FAM174B: variants seen among roughly 807,000 people sequenced by gnomAD.
The protein encoded by FAM174B is membrane protein FAM174B.
A neutral mutation model predicts 10.9 loss-of-function variants in FAM174B; 12 were observed. The observed-to-expected ratio is 1.10, with a 90% confidence interval of 0.71 to 1.79. The LOEUF is 1.79. FAM174B is among the 40% of genes most tolerant of loss of function. The probability of loss-of-function intolerance (pLI) is 0.00; values close to 1 mark genes in which losing one functional copy is unlikely to be tolerated. For synonymous variants in FAM174B, 132 were observed against 115.8 expected (o/e 1.14, Z -0.90); for missense variants, 266 against 233.3 (o/e 1.14, Z -0.91).
chr15:92,645,113 C>T (rs970726119), intron 1 of FAM174B, among the ~76,000 whole-genome samples: 8 of 152,218 alleles, frequency 5.3e-5, no homozygotes, highest in African/African-American at 1.7e-4. Context: ...AGTAACTCAG[C>T]TCAAAATCAT....
intron 2 of FAM174B, among the ~76,000 whole-genome samples, chr15:92,625,296 G>A (rs914035664): frequency 6.6e-6 from 1 of 152,120 alleles, no homozygotes; most frequent in African/African-American, 2.4e-5. Context: ...GTCACAAGAT[G>A]TTACCAGAGA....
chr15:92,640,517 A>G (rs754518730), intron 1 of FAM174B, among the ~76,000 whole-genome samples: 1 of 133,740 alleles, frequency 7.5e-6, no homozygotes, highest in Non-Finnish European at 1.5e-5. Context: ...GTGCCACTGC[A>G]CTACAGCCTG....
At chr15:92,651,298 A>C (rs2050964819) in intron 1 of FAM174B, among the ~76,000 whole-genome samples, 1 of 152,176 alleles carries the variant, frequency 6.6e-6, no homozygotes, top group Non-Finnish European at 1.5e-5. Flanking sequence ...TACACCCCAG[A>C]TGCTCTCATA....
At chr15:92,627,254 T>C (rs1481918858) in intron 2 of FAM174B, 1 of 154,924 alleles carries the variant, frequency 6.5e-6, no homozygotes, top group East Asian at 1.9e-4. Context: ...AAACACAAGC[T>C]TGGACTTATC....
Position 92,647,106 on chromosome 15 carries a change from T to C in FAM174B, c.344+8210A>G, listed in dbSNP as rs112909732. ...CACTCATAGGAGTGAGGAAAACATA[T>C]AAAATGCTTATCACAGAGTCCGTTA... is the stretch of plus-strand genomic sequence containing the variant. On this transcript the variant is annotated intron_variant, in intron 1 of 2. Coordinates refer to ENST00000327355, the MANE Select transcript of FAM174B (RefSeq NM_207446.3). 3.3e-3 allele frequency among the ~76,000 whole-genome samples: 497 copies of C among 152,316 alleles called. 6 individuals are homozygous for C. Among genetic ancestry groups the C allele is most frequent in the African/African-American group, 0.011 (466 of 41,560 alleles).
chr15:92,646,919 T>C (rs903054431), intron 1 of FAM174B, among the ~76,000 whole-genome samples: 1 of 152,206 alleles, frequency 6.6e-6, no homozygotes, highest in Non-Finnish European at 1.5e-5. Flanking sequence ...CTCCCTAATA[T>C]GTATAAAACT....
At chr15:92,632,213 G>T (rs143772238) in intron 1 of FAM174B, among the ~76,000 whole-genome samples, 49 of 152,340 alleles carry the variant, frequency 3.2e-4, no homozygotes, top group African/African-American at 1.2e-3. Context: ...ACACTACAGT[G>T]TTCTGGTTTC....
At chr15:92,636,093 A>T (rs1305298711) in intron 1 of FAM174B, among the ~76,000 whole-genome samples, 1 of 152,086 alleles carries the variant, frequency 6.6e-6, no homozygotes, top group Non-Finnish European at 1.5e-5. Context: ...AAGCCTAAAA[A>T]CCCTAACCAA....
Position 92,655,732 on chromosome 15 carries a change from C to T in FAM174B, c.-73G>A. On this transcript the variant is annotated 5_prime_UTR_variant, in exon 1 of 3. Transcript: ENST00000327355. ...TCCAGGATCCGCACCAGCACGGAGG[C>T]CTGCACCGGGGGATCCTGCGGCGGA... The T allele has an allele frequency of 3.4e-6, 4 of 1,169,652 alleles. No individual in the cohort carries two copies. The highest frequency in any genetic ancestry group is 1.6e-5 in the African/African-American group (1 of 62,660). 72.5% of individuals were successfully genotyped at this position (1,169,652 alleles called of 1,614,324 possible).
chr15:92,649,465 C>G (rs1427278427), intron 1 of FAM174B, among the ~76,000 whole-genome samples: 2 of 152,146 alleles, frequency 1.3e-5, no homozygotes, highest in Non-Finnish European at 2.9e-5. Flanking sequence ...GAAGCAAGAC[C>G]AAAAGGTTGG....
At position 92,619,046 on chromosome 15, in the gene FAM174B, A is replaced by G; in HGVS notation, c.*410T>C. On this transcript the variant is annotated 3_prime_UTR_variant, in exon 3 of 3. Transcript: ENST00000327355. ...GTAGAGAAGAATGTCGGAAATTCTA[A>G]ATACACAGTTGGACATCCTTCAGGC... 1 of 608,346 alleles carries G rather than the reference A, an allele frequency of 1.6e-6. No homozygotes were observed. Among genetic ancestry groups the G allele is most frequent in the South Asian group, 2.0e-5 (1 of 50,170 alleles). 37.7% of individuals were successfully genotyped at this position (608,346 alleles called of 1,614,324 possible).
chr15:92,639,233 G>C (rs542818891), intron 1 of FAM174B: 1 of 151,898 alleles, frequency 6.6e-6, no homozygotes, highest in East Asian at 1.9e-4. Flanking sequence ...AGGTGCCCCT[G>C]CAAGTTCTTT....
chr15:92,649,836 G>C (rs73460409), intron 1 of FAM174B, among the ~76,000 whole-genome samples: 1 of 152,270 alleles, frequency 6.6e-6, no homozygotes, highest in African/African-American at 2.4e-5. Context: ...TCTGGATTTT[G>C]GCTGTATCCG....
intron 2 of FAM174B, 24 bp from the exon 3 acceptor site, chr15:92,619,483 G>C (rs1414486126): frequency 6.2e-7 from 1 of 1,611,888 alleles, no homozygotes; most frequent in Non-Finnish European, 8.5e-7. Context: ...AAGGACAAGA[G>C]TAAGCCCCTT....
At chr15:92,637,334 G>A (rs1289164757) in intron 1 of FAM174B, among the ~76,000 whole-genome samples, 1 of 152,240 alleles carries the variant, frequency 6.6e-6, no homozygotes, top group Non-Finnish European at 1.5e-5. Flanking sequence ...ATATGGTAGA[G>A]GGCAGATTGG....
At chr15:92,623,591 G>T (rs141849954) in intron 2 of FAM174B, among the ~76,000 whole-genome samples, 1 of 152,160 alleles carries the variant, frequency 6.6e-6, no homozygotes, top group Non-Finnish European at 1.5e-5. Context: ...AAGCTTGTCC[G>T]GCAGGCAAAA....
intron 1 of FAM174B, among the ~76,000 whole-genome samples, chr15:92,631,281 A>T (rs866337803): frequency 0.01 from 61 of 6,026 alleles, 3 homozygotes; most frequent in Admixed American, 0.027. Context: ...TATTATATAT[A>T]ATATATTATA....
intron 2 of FAM174B, among the ~76,000 whole-genome samples, chr15:92,624,569 C>G (rs976041993): frequency 6.6e-6 from 1 of 152,252 alleles, no homozygotes. Flanking sequence ...ATGCTGCAAA[C>G]TGCACAAAAA....
chr15:92,644,574 C>G (rs1203121559), intron 1 of FAM174B, among the ~76,000 whole-genome samples: 1 of 152,114 alleles, frequency 6.6e-6, no homozygotes, highest in Non-Finnish European at 1.5e-5. Context: ...CTAGGGCACC[C>G]CCTCCCCACC....
Sources: allele counts gnomAD v4.1 joint callset (sites outside exome capture counted in the v4.1 genomes callset), GRCh38; gene constraint gnomAD v4.1.1; transcripts MANE v1.5; gene names NCBI Gene and HGNC (gene_info 2026-07-23, HGNC 2026-07-21).